Variants in CCDC91 observed in about 807,000 individuals in gnomAD.
CCDC91 encodes coiled-coil domain containing 91, also known as coiled-coil domain-containing protein 91.
A neutral mutation model predicts 63.2 loss-of-function variants in CCDC91; 48 were observed. The observed-to-expected ratio is 0.76, with a 90% CI of 0.60 to 0.97. The LOEUF is 0.97. Ranked by LOEUF, CCDC91 falls within the 50% of genes least tolerant of loss-of-function variation. CCDC91 has a pLI of 0.00. For missense variants in CCDC91, 500 were observed against 494.6 expected (o/e 1.01, Z -0.10); for synonymous variants, 167 against 165.8 (o/e 1.01, Z -0.06).
intron 8 of CCDC91, among the ~76,000 whole-genome samples, chr12:28,433,236 C>T (rs1215933186): frequency 6.6e-6 from 1 of 151,780 alleles, no homozygotes; most frequent in East Asian, 1.9e-4. Context: ...CAGCTTATCC[C>T]ATTTTTGTGT....
At chr12:28,387,106 A>G (rs753605475) in intron 7 of CCDC91, among the ~76,000 whole-genome samples, 3 of 152,184 alleles carry the variant, frequency 2.0e-5, no homozygotes, top group Non-Finnish European at 4.4e-5. Context: ...GAAGATAAAT[A>G]TTCAGTTATA....
intron 1 of CCDC91, among the ~76,000 whole-genome samples, chr12:28,215,776 A>G (rs1364844381): frequency 6.6e-6 from 1 of 152,170 alleles, no homozygotes; most frequent in African/African-American, 2.4e-5. Context: ...AACATTTAAC[A>G]AAAGTGACAC....
intron 3 of CCDC91, among the ~76,000 whole-genome samples, chr12:28,273,217 ATTTTC>A (rs1260130011): frequency 6.6e-6 from 1 of 151,878 alleles, no homozygotes; most frequent in Admixed American, 6.6e-5. Context: ...TATGTGCCAC[ATTTTC>A]TTAATCCAGT....
chr12:28,453,728 A>G (rs1010925113), intron 11 of CCDC91, among the ~76,000 whole-genome samples: 4 of 152,028 alleles, frequency 2.6e-5, no homozygotes, highest in African/African-American at 7.2e-5. Flanking sequence ...TTGAGTACCT[A>G]TTGCATATAA....
intron 1 of CCDC91, among the ~76,000 whole-genome samples, chr12:28,195,733 G>A (rs1453749335): frequency 6.6e-6 from 1 of 152,116 alleles, no homozygotes; most frequent in African/African-American, 2.4e-5. Flanking sequence ...GGAATTTTTA[G>A]TATGATTGCA....
At chr12:28,488,385 A>G (rs1341919395) in intron 12 of CCDC91, among the ~76,000 whole-genome samples, 1 of 151,846 alleles carries the variant, frequency 6.6e-6, no homozygotes, top group African/African-American at 2.4e-5. Flanking sequence ...CCGAGTCATA[A>G]TCATAACCAA....
chr12:28,298,548 G>A (rs1241727333), intron 3 of CCDC91, among the ~76,000 whole-genome samples: 1 of 151,124 alleles, frequency 6.6e-6, no homozygotes, highest in East Asian at 1.9e-4. Flanking sequence ...ATATTTTTAA[G>A]CAGGTATAGT....
intron 8 of CCDC91, among the ~76,000 whole-genome samples, chr12:28,433,140 C>A (rs189551456): frequency 6.6e-6 from 1 of 151,732 alleles, no homozygotes; most frequent in Admixed American, 6.6e-5. Context: ...ATCAATCTTA[C>A]GTATTTTATC....
At chr12:28,201,357 G>A (rs879097020) in intron 1 of CCDC91, among the ~76,000 whole-genome samples, 10 of 147,592 alleles carry the variant, frequency 6.8e-5, no homozygotes, top group Non-Finnish European at 1.5e-4. Flanking sequence ...ACGGGGTCGC[G>A]GCCAGGTAGA....
At chr12:28,468,058 T>A (rs1950629957) in intron 11 of CCDC91, among the ~76,000 whole-genome samples, 1 of 151,536 alleles carries the variant, frequency 6.6e-6, no homozygotes, top group Non-Finnish European at 1.5e-5. Flanking sequence ...AAACTCAAAA[T>A]TAGTGAAAGA....
intron 11 of CCDC91, among the ~76,000 whole-genome samples, chr12:28,476,966 A>G (rs1292729554): frequency 6.6e-6 from 1 of 152,104 alleles, no homozygotes; most frequent in African/African-American, 2.4e-5. Flanking sequence ...TCTGAAATTG[A>G]GGCAATAATA....
chr12:28,392,767 T>G lies in CCDC91; in HGVS notation c.762+1356T>G, dbSNP rs1412095412. ...GTTCCATTCAGCCATGGCCTCAAGC[T>G]CAAAAGTCCAGGAACTCTGGGAAAA... On this transcript the variant is annotated intron_variant, in intron 8 of 12. Transcript: ENST00000536442. Among the ~76,000 whole-genome samples the G allele has an allele frequency of 1.3e-5, 2 of 152,186 alleles. 1 individual carries two copies. The highest frequency in any genetic ancestry group is 3.8e-4 in the East Asian group (2 of 5,204).
intron 1 of CCDC91, among the ~76,000 whole-genome samples, chr12:28,201,208 C>T (rs13362902): frequency 4.5e-4 from 67 of 148,078 alleles, no homozygotes; most frequent in African/African-American, 1.3e-3. Flanking sequence ...GACTGCTGGG[C>T]GGAGGGGCTC....
intron 6 of CCDC91, among the ~76,000 whole-genome samples, chr12:28,347,425 A>C (rs558002086): frequency 6.6e-6 from 1 of 152,166 alleles, no homozygotes; most frequent in Non-Finnish European, 1.5e-5. Flanking sequence ...CACCTTTGGA[A>C]GGGACATTAG....
chr12:28,333,553 A>G (rs1941685488), intron 6 of CCDC91, among the ~76,000 whole-genome samples: 2 of 152,184 alleles, frequency 1.3e-5, no homozygotes, highest in Admixed American at 1.3e-4. Context: ...TTCGAATAAT[A>G]TAGATTGACT....
intron 6 of CCDC91, among the ~76,000 whole-genome samples, chr12:28,348,413 C>T (rs975092722): frequency 1.3e-5 from 2 of 152,198 alleles, no homozygotes; most frequent in African/African-American, 2.4e-5. Context: ...CCACTCATGT[C>T]GTAGACCCAG....
intron 6 of CCDC91, among the ~76,000 whole-genome samples, chr12:28,341,959 G>A (rs964571778): frequency 1.3e-5 from 2 of 152,178 alleles, no homozygotes; most frequent in African/African-American, 4.8e-5. Context: ...TCCAGAATCT[G>A]TGAATATGTT....
At chr12:28,314,509 A>G (rs1939641164) in intron 6 of CCDC91, among the ~76,000 whole-genome samples, 1 of 152,082 alleles carries the variant, frequency 6.6e-6, no homozygotes, top group Non-Finnish European at 1.5e-5. Context: ...TATGTAGAGA[A>G]TTTAGCAGTT....
intron 1 of CCDC91, among the ~76,000 whole-genome samples, chr12:28,194,391 C>T (rs892690902): frequency 2.0e-5 from 3 of 152,130 alleles, no homozygotes; most frequent in Non-Finnish European, 2.9e-5. Flanking sequence ...AATGAAGGCA[C>T]GGACCCTCGC....
Sources: gnomAD v4.1 joint callset for allele counts (sites outside exome capture counted in the v4.1 genomes callset) on GRCh38, gnomAD v4.1.1 for gene constraint, MANE v1.5 for transcripts, NCBI Gene and HGNC (gene_info 2026-07-23, HGNC 2026-07-21) for gene names.